The following TTC38 variants were observed in gnomAD, a reference collection of about 807,000 sequenced individuals.
TTC38 encodes tetratricopeptide repeat domain 38.
Under a neutral mutation model 64.2 loss-of-function variants are expected in TTC38, and 64 were observed. The observed-to-expected ratio is 1.00, with a 90% CI of 0.81 to 1.23. TTC38 has a LOEUF of 1.23. Among genes scored for constraint, TTC38 ranks in the 50% most tolerant of loss-of-function variants. The pLI is 0.00. For synonymous variants in TTC38, 254 were observed against 249.3 expected (o/e 1.02, Z -0.18); for missense variants, 573 against 615.5 (o/e 0.93, Z 0.73).
intron 6 of TTC38, among the ~76,000 whole-genome samples, chr22:46,278,885 C>G (rs2077513346): frequency 6.6e-6 from 1 of 152,344 alleles, no homozygotes; most frequent in Middle Eastern, 3.4e-3. Flanking sequence ...CGTTCCTTGG[C>G]TAACACTGGA....
In TTC38 at chr22:46,273,864, C is replaced by T; in HGVS notation, c.194-34C>T. 4 of 1,611,834 alleles carry T rather than the reference C, an allele frequency of 2.5e-6. No homozygotes were observed. The highest frequency in any genetic ancestry group is 2.2e-5 in the South Asian group (2 of 90,962). On this transcript the variant is annotated intron_variant, in intron 3 of 13. Coordinates refer to ENST00000381031, the MANE Select transcript of TTC38 (RefSeq NM_017931.4). This position sits in a 1 kb window ranked among gnomAD's most constrained non-coding sequence, Gnocchi z 5.1. The stretch of plus-strand genomic sequence containing the variant: ...GCTGGGATGGGCTGAGCTGGACCAT[C>T]TGAACCACCAGCCGTTCTCTAACCT...
chr22:46,277,157 A>G (rs1471905206), intron 5 of TTC38, among the ~76,000 whole-genome samples: 1 of 152,006 alleles, frequency 6.6e-6, no homozygotes, highest in Non-Finnish European at 1.5e-5. Flanking sequence ...AGCTAGAATC[A>G]GTCTTCTTGC....
intron 12 of TTC38, 129 bp downstream of exon 12, chr22:46,289,690 C>T (rs529786147): frequency 3.9e-5 from 57 of 1,455,320 alleles, no homozygotes; most frequent in African/African-American, 3.6e-4. Flanking sequence ...CTCACACTCC[C>T]GCCGTGTAAG....
rs1436385604 is a variant in TTC38 at position 46,282,994 on chromosome 22, T to TCAGGGCTCACCGCAGCCTCGACCGC, written c.736-977_736-953dup. ...CCCAAGGTGGAGTGCAGTGGCACAA[T>TCAGGGCTCACCGCAGCCTCGACCGC]CAGGGCTCACCGCAGCCTCGACCGC... On this transcript the variant is annotated intron_variant, in intron 7 of 13. Coordinates refer to ENST00000381031, the MANE Select transcript of TTC38 (RefSeq NM_017931.4). The surrounding 1 kb of genome is among the most constrained non-coding windows in gnomAD (Gnocchi z 4.4). 2.8e-4 allele frequency among the ~76,000 whole-genome samples: 43 copies of TCAGGGCTCACCGCAGCCTCGACCGC among 152,254 alleles called. No homozygotes were observed. The highest frequency in any genetic ancestry group is 1.0e-3 in the African/African-American group (42 of 41,542).
chr22:46,287,204 T>C, intron 10 of TTC38, 50 bp downstream of exon 10: 1 of 1,496,096 alleles, frequency 6.7e-7, no homozygotes, highest in East Asian at 2.3e-5. Context: ...TCCCACATCA[T>C]GAGGAGAGGG....
At chr22:46,268,810 G>A in intron 2 of TTC38, 2 of 496,960 alleles carry the variant, frequency 4.0e-6, no homozygotes, top group South Asian at 2.1e-5. Flanking sequence ...TCAGCCTCCC[G>A]AGTAGCTGGG....
rs866906361 is a variant in TTC38 at position 46,271,618 on chromosome 22, C to T, written c.112-717C>T. 4.6e-5 allele frequency among the ~76,000 whole-genome samples: 7 copies of T among 152,160 alleles called. No individual in the cohort carries two copies. Among genetic ancestry groups the T allele is most frequent in the Admixed American group, 6.5e-5 (1 of 15,278 alleles). On this transcript the variant is annotated intron_variant, in intron 2 of 13. Transcript: ENST00000381031. The surrounding 1 kb of genome is among the most constrained non-coding windows in gnomAD (Gnocchi z 5.5). ...TCAGGCGATTCTCCTGTCTCAGCCACCCAAGTCTCAGCCGCCCAAGTTGCT... is the reference window on the plus strand; with the variant it reads ...TCAGGCGATTCTCCTGTCTCAGCCATCCAAGTCTCAGCCGCCCAAGTTGCT...
In TTC38 at chr22:46,273,826, A is replaced by G. The variant is rs1936947947; in HGVS notation, c.194-72A>G. On this transcript the variant is annotated intron_variant, in intron 3 of 13. Transcript: ENST00000381031. This position sits in a 1 kb window ranked among gnomAD's most constrained non-coding sequence, Gnocchi z 5.1. ...CTGGGACGTGGGGTGTCTCTGTGAC[A>G]TGTGGAGTCTGGGCTGGGATGGGCT... 6.6e-7 allele frequency: 1 copy of G among 1,521,314 alleles called. No individual in the cohort carries two copies. Among genetic ancestry groups the G allele is most frequent in the East Asian group, 2.3e-5 (1 of 44,114 alleles). The allele number at this position is 1,521,314 out of a possible 1,614,324, so 94.2% of individuals were successfully genotyped here.
chr22:46,283,309 T>C (rs2077548296), intron 7 of TTC38, among the ~76,000 whole-genome samples: 1 of 151,864 alleles, frequency 6.6e-6, no homozygotes, highest in Non-Finnish European at 1.5e-5. Context: ...CCCTGTGGAG[T>C]GGTTCTGTTA....
chr22:46,278,692 C>G, intron 6 of TTC38, 31 bp downstream of exon 6: 2 of 1,578,792 alleles, frequency 1.3e-6, no homozygotes, highest in Non-Finnish European at 1.7e-6. Context: ...GTGCCTGACC[C>G]CTCAGGGAGT....
rs2077596465 is a variant in TTC38, at chr22:46,289,466, C to T, written c.1147C>T (p.Leu383=). The T allele has an allele frequency of 1.2e-6, 2 of 1,609,476 alleles. No individual in the cohort carries two copies. Among genetic ancestry groups the T allele is most frequent in the African/African-American group, 1.3e-5 (1 of 74,936 alleles). Residue 383 remains leucine (L), a synonymous_variant, in exon 12 of 14, where the codon CTG becomes TTG. Transcript: ENST00000381031. ...RDVGLPLCQA[L]VEAEDGNPDR... is the part of the protein sequence containing the mutation. ...CGTGGGGCTGCCCCTGTGCCAGGCC[C>T]TGGTGGAGGCTGAGGACGGGAACCC...
At chr22:46,278,827 G>A (rs745782638) in intron 6 of TTC38, among the ~76,000 whole-genome samples, 166 bp downstream of exon 6, 1 of 152,200 alleles carries the variant, frequency 6.6e-6, no homozygotes, top group Admixed American at 6.5e-5. Context: ...GCTGCCGCCC[G>A]CCAGGGGCTG....
chr22:46,291,464 C>A lies in TTC38; in HGVS notation c.1317-1327C>A, dbSNP rs2077614872. On this transcript the variant is annotated intron_variant, in intron 13 of 13. Transcript: ENST00000381031. This position sits in a 1 kb window ranked among gnomAD's most constrained non-coding sequence, Gnocchi z 4.6. ...AGGGGGCCTTCTCTCCAAGTCCTGT[C>A]CTGCTACCAGGCAGCATCCATGGGG... is the stretch of plus-strand genomic sequence containing the variant. Among the ~76,000 whole-genome samples the A allele has an allele frequency of 6.6e-6, 1 of 152,150 alleles. No homozygotes were observed. The highest frequency in any genetic ancestry group is 1.5e-5 in the Non-Finnish European group (1 of 68,028).
chr22:46,268,958 A>G (rs12168162), intron 2 of TTC38: 31,798 of 345,778 alleles, frequency 0.092, 5,070 homozygotes, highest in African/African-American at 0.45. Flanking sequence ...AAGTGCTGGG[A>G]TTACAGGCGT....
chr22:46,282,837 A>G lies in TTC38; in HGVS notation c.735+1119A>G, dbSNP rs1194901568. 6.6e-6 allele frequency among the ~76,000 whole-genome samples: 1 copy of G among 152,160 alleles called. No individual in the cohort carries two copies. The highest frequency in any genetic ancestry group is 1.9e-4 in the East Asian group (1 of 5,186). Reference sequence around the variant, plus strand: ...CTTCATACTGAGGGCAGCCTAAGGTAGCCACCCACATACCACCCACTCCCC... The same window carrying G: ...CTTCATACTGAGGGCAGCCTAAGGTGGCCACCCACATACCACCCACTCCCC... On this transcript the variant is annotated intron_variant, in intron 7 of 13. Coordinates refer to ENST00000381031, the MANE Select transcript of TTC38 (RefSeq NM_017931.4). This position sits in a 1 kb window ranked among gnomAD's most constrained non-coding sequence, Gnocchi z 4.4.
intron 11 of TTC38, 60 bp from the exon 12 acceptor site, chr22:46,289,342 T>C: frequency 6.4e-7 from 1 of 1,572,338 alleles, no homozygotes. Context: ...GAAATGGCTC[T>C]GCCCTTCCCG....
chr22:46,283,822 A>T, intron 7 of TTC38, 151 bp from the exon 8 acceptor site: 1 of 498,710 alleles, frequency 2.0e-6, no homozygotes. Context: ...ACTACACTCC[A>T]GCCTGAGCAA....
chr22:46,274,137 T>G lies in TTC38; in HGVS notation c.365+68T>G. ...AGCTGGGGGAGTGGCAGGGTATCCC[T>G]TTCCTGATGCCCTTGGGACGGGGGC... is the stretch of plus-strand genomic sequence containing the variant. On this transcript the variant is annotated intron_variant, in intron 4 of 13. Transcript: ENST00000381031. This position sits in a 1 kb window ranked among gnomAD's most constrained non-coding sequence, Gnocchi z 4.8. 5 of 1,315,726 alleles carry G rather than the reference T, an allele frequency of 3.8e-6. No individual in the cohort carries two copies. The highest frequency in any genetic ancestry group is 2.6e-5 in the East Asian group (1 of 38,256). 81.5% of individuals were successfully genotyped at this position (1,315,726 alleles called of 1,614,324 possible).
Position 46,272,464 on chromosome 22 carries a change from G to C in TTC38, c.193+48G>C. ...GGAGGAGCCCCGCTTCACACATCCAGCCCCTCTCTTTCCTTTACCACAGGG... is the reference window on the plus strand; with the variant it reads ...GGAGGAGCCCCGCTTCACACATCCACCCCCTCTCTTTCCTTTACCACAGGG... On this transcript the variant is annotated intron_variant, in intron 3 of 13. Transcript: ENST00000381031. The surrounding 1 kb of genome is among the most constrained non-coding windows in gnomAD (Gnocchi z 6.4). 6.7e-7 allele frequency: 1 copy of C among 1,490,032 alleles called. No homozygotes were observed. Among genetic ancestry groups the C allele is most frequent in the East Asian group, 2.3e-5 (1 of 44,238 alleles). 92.3% of individuals were successfully genotyped at this position (1,490,032 alleles called of 1,614,324 possible).
Sources: allele counts gnomAD v4.1 joint callset (sites outside exome capture counted in the v4.1 genomes callset), GRCh38; gene constraint gnomAD v4.1.1; non-coding constraint Gnocchi (gnomAD v3.1); transcripts MANE v1.5; gene names NCBI Gene and HGNC (gene_info 2026-07-23, HGNC 2026-07-21).